The following EFL1 variants were observed in gnomAD, a reference collection of about 807,000 sequenced individuals.
EFL1 encodes the protein elongation factor like GTPase 1.
In EFL1, 76 loss-of-function variants were observed where a neutral mutation model predicts 126.7. The observed-to-expected ratio is 0.60, with a 90% CI of 0.50 to 0.73. The LOEUF is 0.73. Among genes scored for constraint, EFL1 ranks in the 30% least tolerant of loss-of-function variants. EFL1 has a pLI of 0.00. For missense variants in EFL1, 1,128 were observed against 1,343.2 expected (o/e 0.84, Z 2.50); for synonymous variants, 410 against 448.4 (o/e 0.91, Z 1.08).
At chr15:82,133,684 C>T (rs1430069144) in intron 19 of EFL1, among the ~76,000 whole-genome samples, 1 of 151,972 alleles carries the variant, frequency 6.6e-6, no homozygotes, top group Non-Finnish European at 1.5e-5. Context: ...TTTAAGACAC[C>T]CGGCCACAAG....
At chr15:82,131,991 A>C (rs1353680498) in intron 19 of EFL1, among the ~76,000 whole-genome samples, 1 of 152,194 alleles carries the variant, frequency 6.6e-6, no homozygotes, top group Admixed American at 6.5e-5. Context: ...TAAAACCAAA[A>C]AACAGAGAAC....
chr15:82,133,074 T>C (rs1352713413), intron 19 of EFL1, among the ~76,000 whole-genome samples: 2 of 152,040 alleles, frequency 1.3e-5, no homozygotes, highest in Non-Finnish European at 2.9e-5. Context: ...TGTAGCTATG[T>C]AGGGGGAGCA....
At chr15:82,251,435 G>A (rs756664820) in intron 4 of EFL1, among the ~76,000 whole-genome samples, 1 of 152,078 alleles carries the variant, frequency 6.6e-6, no homozygotes, top group East Asian at 1.9e-4. Context: ...TCAAGGGAGG[G>A]GGACTAGAGA....
At chr15:82,149,013 G>T (rs1054210185) in intron 18 of EFL1, among the ~76,000 whole-genome samples, 1 of 151,902 alleles carries the variant, frequency 6.6e-6, no homozygotes, top group Middle Eastern at 3.4e-3. Flanking sequence ...ATAATTGGGG[G>T]ACTGTTATAG....
At chr15:82,240,895 C>G (rs12902624) in intron 5 of EFL1, among the ~76,000 whole-genome samples, 15,510 of 152,134 alleles carry the variant, frequency 0.1, 1,166 homozygotes, top group East Asian at 0.35. Context: ...ATTAAAAGTA[C>G]AGAAATTAGC....
At position 82,186,981 on chromosome 15, in the gene EFL1, A is replaced by G. The variant is rs184733935; in HGVS notation, c.1751-22997T>C. 4.9e-4 allele frequency among the ~76,000 whole-genome samples: 75 copies of G among 152,068 alleles called. 2 individuals carry two copies. The highest frequency in any genetic ancestry group is 4.5e-3 in the Admixed American group (69 of 15,298). ...GTAGTGATTTTAGACTAATTTCTAG[A>G]GGTATGTTGTTTGTCATTTCCTTGA... On this transcript the variant is annotated intron_variant, in intron 15 of 19. Coordinates refer to ENST00000268206, the MANE Select transcript of EFL1 (RefSeq NM_024580.6).
chr15:82,144,396 T>C (rs2073820972), intron 18 of EFL1, among the ~76,000 whole-genome samples: 1 of 152,204 alleles, frequency 6.6e-6, no homozygotes, highest in African/African-American at 2.4e-5. Flanking sequence ...AGTTGCTGAA[T>C]ACAAAATTAT....
chr15:82,203,454 C>A (rs1459185633), intron 15 of EFL1, among the ~76,000 whole-genome samples: 2 of 152,202 alleles, frequency 1.3e-5, no homozygotes, highest in Admixed American at 6.5e-5. Context: ...TGGCTCACTG[C>A]AACCTCTGCC....
intron 4 of EFL1, among the ~76,000 whole-genome samples, chr15:82,241,826 C>A (rs1420786016): frequency 6.6e-6 from 1 of 152,220 alleles, no homozygotes; most frequent in Non-Finnish European, 1.5e-5. Context: ...GCCAACAAAG[C>A]AGTTGGCCAA....
chr15:82,212,068 C>T (rs2074596291), intron 15 of EFL1, among the ~76,000 whole-genome samples: 1 of 152,166 alleles, frequency 6.6e-6, no homozygotes, highest in Admixed American at 6.5e-5. Flanking sequence ...ATGTCTACCT[C>T]ACTCCATCTC....
chr15:82,196,538 C>T (rs1270987278), intron 15 of EFL1, among the ~76,000 whole-genome samples: 2 of 152,166 alleles, frequency 1.3e-5, no homozygotes, highest in Non-Finnish European at 2.9e-5. Context: ...TAAGCAATGG[C>T]TGGGATAGTG....
intron 15 of EFL1, among the ~76,000 whole-genome samples, chr15:82,171,635 T>C (rs1349737147): frequency 6.6e-6 from 1 of 152,214 alleles, no homozygotes; most frequent in Non-Finnish European, 1.5e-5. Flanking sequence ...TGAAGATTTG[T>C]AAGACTCACT....
chr15:82,144,553 T>A (rs1425618209), intron 18 of EFL1, among the ~76,000 whole-genome samples: 1 of 152,232 alleles, frequency 6.6e-6, no homozygotes, highest in Non-Finnish European at 1.5e-5. Context: ...CTAATTACTT[T>A]ATATAATTAA....
At chr15:82,184,385 A>AT (rs1352893941) in intron 15 of EFL1, among the ~76,000 whole-genome samples, 2 of 152,182 alleles carry the variant, frequency 1.3e-5, no homozygotes, top group Admixed American at 1.3e-4. Context: ...CAGGAAAGGT[A>AT]TTATAACAAT....
At chr15:82,214,956 C>T in intron 14 of EFL1, 101 bp from the exon 15 acceptor site, 3 of 1,185,694 alleles carry the variant, frequency 2.5e-6, no homozygotes, top group Non-Finnish European at 3.4e-6. Context: ...TATGGTATAG[C>T]AACATTTCAT....
At chr15:82,207,286 G>GTATA (rs752549886) in intron 15 of EFL1, among the ~76,000 whole-genome samples, 107 of 140,040 alleles carry the variant, frequency 7.6e-4, no homozygotes, top group East Asian at 5.0e-3. Flanking sequence ...TTATGTGTGT[G>GTATA]TATATATATA....
chr15:82,218,079 T>C (rs191897774), intron 14 of EFL1, among the ~76,000 whole-genome samples: 1 of 152,150 alleles, frequency 6.6e-6, no homozygotes, highest in Non-Finnish European at 1.5e-5. Context: ...CAGATGAGAA[T>C]GCACCCTGGC....
intron 15 of EFL1, among the ~76,000 whole-genome samples, chr15:82,194,994 G>C (rs1434024640): frequency 2.0e-5 from 3 of 152,106 alleles, no homozygotes; most frequent in African/African-American, 4.8e-5. Flanking sequence ...GGGAAATAAT[G>C]TATTTTTATA....
rs2073837408 is a variant in EFL1 at position 82,145,695 on chromosome 15, G to A, written c.2989+5770C>T. ...TAAAAATACAAAAAAATAGCCGGGA[G>A]TGGTGGCGGGTTCCTGTAATCCCAG... On this transcript the variant is annotated intron_variant, in intron 18 of 19. Coordinates refer to ENST00000268206, the MANE Select transcript of EFL1 (RefSeq NM_024580.6). 2.0e-5 allele frequency among the ~76,000 whole-genome samples: 3 copies of A among 151,736 alleles called. No individual in the cohort carries two copies. In the South Asian group the frequency reaches 6.2e-4, roughly 31 times the overall value.
Sources: gnomAD v4.1 joint callset for allele counts (sites outside exome capture counted in the v4.1 genomes callset) on GRCh38, gnomAD v4.1.1 for gene constraint, MANE v1.5 for transcripts, NCBI Gene and HGNC (gene_info 2026-07-23, HGNC 2026-07-21) for gene names.